FRMD6: variants seen among roughly 807,000 people sequenced by gnomAD.
FRMD6 encodes the protein FERM domain-containing protein 6.
FRMD6 carries 37 observed loss-of-function variants against 73.2 expected under a neutral mutation model. The observed-to-expected ratio is 0.51, with a 90% CI of 0.39 to 0.66. The LOEUF (loss-of-function observed/expected upper bound fraction) is 0.66, where lower values mean the gene tolerates loss of function less well. Ranked by LOEUF, FRMD6 falls within the 30% of genes least tolerant of loss-of-function variation. The pLI, the probability that FRMD6 is intolerant of heterozygous loss-of-function variation, is 0.00. For missense variants in FRMD6, 714 were observed against 780.5 expected, an observed-to-expected ratio of 0.91 and a Z score of 1.02; for synonymous variants, 273 against 282.2, an observed-to-expected ratio of 0.97 and a Z score of 0.33.
At chr14:51,398,862 C>T in the FRMD6 span, among the ~76,000 whole-genome samples, 1 of 152,128 alleles carries the variant, frequency 6.6e-6, no homozygotes, top group Non-Finnish European at 1.5e-5. Context: ...GAGAGTGCCC[C>T]AAACCTAGAT....
chr14:51,595,421 G>C (rs1026417625), intron 2 of FRMD6, among the ~76,000 whole-genome samples: 2 of 152,230 alleles, frequency 1.3e-5, no homozygotes, highest in Non-Finnish European at 2.9e-5. Flanking sequence ...CAAGGAACAT[G>C]GGACTGGTAA....
At chr14:51,653,670 T>C (rs866603071) in intron 1 of FRMD6, among the ~76,000 whole-genome samples, 3 of 152,218 alleles carry the variant, frequency 2.0e-5, no homozygotes, top group African/African-American at 7.2e-5. Context: ...ATGCCTTTGC[T>C]GATGTCCTTT....
intron 2 of FRMD6, among the ~76,000 whole-genome samples, chr14:51,639,393 C>T (rs1891722301): frequency 6.6e-6 from 1 of 151,730 alleles, no homozygotes; most frequent in South Asian, 2.1e-4. Context: ...TGAGATTGCG[C>T]CACTGCACTC....
chr14:51,483,625 T>A, the FRMD6 span, among the ~76,000 whole-genome samples: 2 of 152,216 alleles, frequency 1.3e-5, no homozygotes, highest in African/African-American at 4.8e-5. Context: ...GGTGAAGGCC[T>A]TGTAGGCTAA....
chr14:51,398,154 A>T, the FRMD6 span, among the ~76,000 whole-genome samples: 2 of 152,232 alleles, frequency 1.3e-5, no homozygotes, highest in African/African-American at 4.8e-5. Context: ...TTTTCCTCTC[A>T]GCATTAGAGC....
At chr14:51,402,662 G>A in the FRMD6 span, among the ~76,000 whole-genome samples, 2 of 145,580 alleles carry the variant, frequency 1.4e-5, no homozygotes, top group African/African-American at 2.6e-5. Context: ...TTTTTGAGAC[G>A]GAGTCTCACT....
intron 1 of FRMD6, among the ~76,000 whole-genome samples, chr14:51,688,462 C>T (rs1350531523): frequency 2.0e-5 from 3 of 152,092 alleles, no homozygotes; most frequent in African/African-American, 7.2e-5. Context: ...ATTCTTTCCC[C>T]TCCTGCTGAT....
chr14:51,512,807 G>A (rs1475757355), intron 1 of FRMD6, among the ~76,000 whole-genome samples: 2 of 152,134 alleles, frequency 1.3e-5, no homozygotes, highest in African/African-American at 4.8e-5. Flanking sequence ...GCAAGGATTG[G>A]GGCTCAGTGG....
intron 1 of FRMD6, among the ~76,000 whole-genome samples, chr14:51,688,117 T>G (rs1259259721): frequency 4.3e-5 from 6 of 139,662 alleles, no homozygotes; most frequent in African/African-American, 7.9e-5. Flanking sequence ...AGCATGCGTG[T>G]TTTTTTTTTT....
chr14:51,462,027 G>A, the FRMD6 span, among the ~76,000 whole-genome samples: 1 of 151,976 alleles, frequency 6.6e-6, no homozygotes, highest in Non-Finnish European at 1.5e-5. Flanking sequence ...GAGAAAGGGA[G>A]GGAGGGAAGG....
At chr14:51,408,102 G>A in the FRMD6 span, among the ~76,000 whole-genome samples, 1 of 151,300 alleles carries the variant, frequency 6.6e-6, no homozygotes, top group East Asian at 1.9e-4. Context: ...GATTTATAGA[G>A]CATTCTGAGT....
At chr14:51,487,471 AT>A (rs1439939315), upstream of FRMD6, among the ~76,000 whole-genome samples, 1 of 152,176 alleles carries the variant, frequency 6.6e-6, no homozygotes, top group East Asian at 1.9e-4. Context: ...TCTTGTGAAA[AT>A]GCAAGACTGG....
At chr14:51,488,031 G>A (rs997493246), upstream of FRMD6, among the ~76,000 whole-genome samples, 1 of 152,160 alleles carries the variant, frequency 6.6e-6, no homozygotes, top group African/African-American at 2.4e-5. Context: ...ATGTAGTAAC[G>A]AGATCTGCTT....
chr14:51,416,578 T>C, the FRMD6 span, among the ~76,000 whole-genome samples: 1 of 152,322 alleles, frequency 6.6e-6, no homozygotes, highest in African/African-American at 2.4e-5. Flanking sequence ...TCCAACTATG[T>C]GGTCAATTTT....
the FRMD6 span, among the ~76,000 whole-genome samples, chr14:51,468,318 G>A: frequency 2.1e-5 from 3 of 140,060 alleles, no homozygotes; most frequent in African/African-American, 7.9e-5. Context: ...GGAGGGGGAG[G>A]GAGAGGGGGA....
At chr14:51,563,227 G>T (rs1049926336) in intron 1 of FRMD6, among the ~76,000 whole-genome samples, 3 of 151,196 alleles carry the variant, frequency 2.0e-5, no homozygotes, top group African/African-American at 7.3e-5. Context: ...CATAGTAAAA[G>T]AATTATCGCT....
chr14:51,560,671 A>G (rs1385069054), intron 1 of FRMD6, among the ~76,000 whole-genome samples: 1 of 152,122 alleles, frequency 6.6e-6, no homozygotes, highest in African/African-American at 2.4e-5. Flanking sequence ...TTTAGTAGAG[A>G]CAGGGTTTCA....
At chr14:51,684,228 T>C (rs926138524) in intron 1 of FRMD6, among the ~76,000 whole-genome samples, 4 of 151,846 alleles carry the variant, frequency 2.6e-5, no homozygotes, top group Non-Finnish European at 5.9e-5. Context: ...CCAGGTCAGA[T>C]TTTATATTTT....
rs779994863 is a variant in FRMD6, at chr14:51,708,096, A to G, written c.577A>G (p.Lys193Glu). The G allele has an allele frequency of 8.1e-6, 13 of 1,613,042 alleles. No individual in the cohort carries two copies. The highest frequency in any genetic ancestry group is 1.1e-5 in the Non-Finnish European group (13 of 1,179,342). The stretch of plus-strand genomic sequence containing the variant: ...CCAACAGGTTGTTTCCAAGAGGGGG[A>G]AGGACTACATCCTGAAGCACATTCC... Reference protein sequence around the residue: ...FPSWVVSKRGKDYILKHIPNM... With the variant: ...FPSWVVSKRGEDYILKHIPNM... Residue 193 changes from lysine (K) to glutamate (E), a missense_variant, in exon 7 of 14, where the codon AAG becomes GAG. Coordinates refer to ENST00000344768, the MANE Select transcript of FRMD6 (RefSeq NM_001267046.2).
Sources: allele counts gnomAD v4.1 joint callset (sites outside exome capture counted in the v4.1 genomes callset), GRCh38; gene constraint gnomAD v4.1.1; transcripts MANE v1.5; gene names NCBI Gene and HGNC (gene_info 2026-07-23, HGNC 2026-07-21).